CMSS1: variants seen among roughly 807,000 people sequenced by gnomAD.
CMSS1 encodes protein CMSS1.
In CMSS1, 33 loss-of-function variants were observed where a neutral mutation model predicts 43.5. The ratio of observed to expected loss-of-function variants is 0.76; its 90% CI spans 0.57 to 1.01. CMSS1 has a LOEUF of 1.01. Ranked by LOEUF, CMSS1 falls within the 50% of genes least tolerant of loss-of-function variation. CMSS1 has a pLI of 0.00. For missense variants in CMSS1, 313 were observed against 326.4 expected (o/e 0.96, Z 0.32); for synonymous variants, 115 against 117.2 (o/e 0.98, Z 0.12).
At chr3:100,043,753 GAATC>G (rs1329130737) in intron 1 of CMSS1, among the ~76,000 whole-genome samples, 16 of 152,252 alleles carry the variant, frequency 1.1e-4, no homozygotes, top group Admixed American at 5.2e-4. Context: ...ATTATAGAAA[GAATC>G]AATCAAGCTA....
intron 4 of CMSS1, among the ~76,000 whole-genome samples, chr3:100,164,191 G>C (rs575278753): frequency 1.3e-5 from 2 of 152,264 alleles, no homozygotes; most frequent in Non-Finnish European, 2.9e-5. Context: ...ACTATGTCCT[G>C]ACTGCACTAT....
intron 1 of CMSS1, among the ~76,000 whole-genome samples, chr3:100,035,910 A>T (rs1422016488): frequency 6.6e-6 from 1 of 152,138 alleles, no homozygotes; most frequent in Non-Finnish European, 1.5e-5. Context: ...CTATTATGTG[A>T]TTTGAACTTT....
At chr3:100,096,488 G>T (rs1576054434) in intron 1 of CMSS1, among the ~76,000 whole-genome samples, 3 of 152,286 alleles carry the variant, frequency 2.0e-5, no homozygotes, top group African/African-American at 4.8e-5. Context: ...AGGTCATTAT[G>T]TTAAGTGAAA....
intron 1 of CMSS1, among the ~76,000 whole-genome samples, chr3:100,080,417 AC>A (rs2065914474): frequency 6.6e-6 from 1 of 152,194 alleles, no homozygotes; most frequent in Admixed American, 6.5e-5. Flanking sequence ...CATAACAATC[AC>A]CCAGGGAACA....
chr3:100,167,608 G>A, intron 5 of CMSS1, 130 bp from the exon 6 acceptor site: 1 of 462,980 alleles, frequency 2.2e-6, no homozygotes, highest in South Asian at 5.5e-5. Context: ...AATTACAATT[G>A]TAATTATAAT....
At chr3:99,914,046 C>T (rs889715659) in intron 1 of CMSS1, among the ~76,000 whole-genome samples, 1 of 152,192 alleles carries the variant, frequency 6.6e-6, no homozygotes, top group Non-Finnish European at 1.5e-5. Flanking sequence ...CTCAAACACT[C>T]CAAACTAACT....
At chr3:100,045,101 C>G (rs1193122373) in intron 1 of CMSS1, among the ~76,000 whole-genome samples, 1 of 152,224 alleles carries the variant, frequency 6.6e-6, no homozygotes, top group Non-Finnish European at 1.5e-5. Flanking sequence ...AAAAACAGAT[C>G]TGGCGCTCAC....
chr3:99,970,123 C>T (rs1708770539), intron 1 of CMSS1, among the ~76,000 whole-genome samples: 1 of 152,230 alleles, frequency 6.6e-6, no homozygotes, highest in Admixed American at 6.5e-5. Context: ...GGTTCAACCT[C>T]ATACTTTGCG....
intron 1 of CMSS1, among the ~76,000 whole-genome samples, chr3:99,958,133 A>C (rs374820630): frequency 1.3e-5 from 2 of 149,722 alleles, no homozygotes; most frequent in East Asian, 3.9e-4. Flanking sequence ...GGTTTGTTAC[A>C]TAGGTGAATC....
chr3:100,054,001 G>A (rs916027582), intron 1 of CMSS1, among the ~76,000 whole-genome samples: 10 of 152,126 alleles, frequency 6.6e-5, no homozygotes, highest in African/African-American at 1.7e-4. Context: ...TGGACATTCG[G>A]CTTACTTAAA....
chr3:99,832,466 A>G (rs1254582027), intron 1 of CMSS1, among the ~76,000 whole-genome samples: 3 of 145,024 alleles, frequency 2.1e-5, no homozygotes, highest in Admixed American at 6.8e-5. Context: ...TCCTGACCTC[A>G]TGATCCGCCC....
chr3:100,007,997 G>A (rs1374872815), intron 1 of CMSS1, among the ~76,000 whole-genome samples: 1 of 152,098 alleles, frequency 6.6e-6, no homozygotes, highest in African/African-American at 2.4e-5. Context: ...TATAGGTTAT[G>A]GTTGTTTTCC....
chr3:100,160,968 C>T (rs1477248224), intron 3 of CMSS1, among the ~76,000 whole-genome samples: 1 of 152,166 alleles, frequency 6.6e-6, no homozygotes, highest in African/African-American at 2.4e-5. Flanking sequence ...TAATTTGGAA[C>T]CATAAATTAG....
At chr3:99,975,893 TTTG>T (rs533765835) in intron 1 of CMSS1, among the ~76,000 whole-genome samples, 242 of 152,286 alleles carry the variant, frequency 1.6e-3, no homozygotes, top group African/African-American at 4.7e-3. Context: ...AATGTCTCTT[TTTG>T]TTGTTGTTGT....
At chr3:100,126,795 G>A (rs2066666391) in intron 1 of CMSS1, among the ~76,000 whole-genome samples, 1 of 152,048 alleles carries the variant, frequency 6.6e-6, no homozygotes, top group Admixed American at 6.5e-5. Flanking sequence ...TCAGGAGATC[G>A]AGACCATCCT....
chr3:100,098,157 C>A (rs1016616407), intron 1 of CMSS1, among the ~76,000 whole-genome samples: 1 of 152,204 alleles, frequency 6.6e-6, no homozygotes, highest in Non-Finnish European at 1.5e-5. Context: ...GCACAGCCAG[C>A]TGAAAGCCTC....
intron 1 of CMSS1, among the ~76,000 whole-genome samples, chr3:99,925,528 A>G (rs999375471): frequency 1.3e-5 from 2 of 152,182 alleles, no homozygotes; most frequent in African/African-American, 4.8e-5. Context: ...TTGTTTGGTC[A>G]CACATCTGCC....
chr3:99,888,245 A>C (rs1705971888), intron 1 of CMSS1, among the ~76,000 whole-genome samples: 1 of 152,104 alleles, frequency 6.6e-6, no homozygotes, highest in Non-Finnish European at 1.5e-5. Flanking sequence ...TATGTTGTGC[A>C]CCTGTTGCTA....
At chr3:99,890,728 GTT>G (rs375497653) in intron 1 of CMSS1, among the ~76,000 whole-genome samples, 1,754 of 142,880 alleles carry the variant, frequency 0.012, 17 homozygotes, top group African/African-American at 0.027. Context: ...CCAATCCGCT[GTT>G]TTTTTTTTTC....
Sources: allele counts gnomAD v4.1 joint callset (sites outside exome capture counted in the v4.1 genomes callset), GRCh38; gene constraint gnomAD v4.1.1; transcripts MANE v1.5; gene names NCBI Gene and HGNC (gene_info 2026-07-23, HGNC 2026-07-21).